The following TLL2 variants were observed in gnomAD, a reference collection of about 807,000 sequenced individuals.
The protein encoded by TLL2 is tolloid-like protein 2.
A neutral mutation model predicts 123.0 loss-of-function variants in TLL2; 106 were observed. That is an observed-to-expected ratio of 0.86 (90% CI 0.74 to 1.01). TLL2 has a LOEUF of 1.01. Ranked by LOEUF, TLL2 falls within the 50% of genes least tolerant of loss-of-function variation. The pLI, the probability that TLL2 is intolerant of heterozygous loss-of-function variation, is 0.00. For synonymous variants in TLL2, 494 were observed against 516.8 expected, an observed-to-expected ratio of 0.96 and a Z score of 0.60; for missense variants, 1,332 against 1,336.7, an observed-to-expected ratio of 1.00 and a Z score of 0.06.
At chr10:96,395,104 C>T in intron 13 of TLL2, 83 bp downstream of exon 13, 1 of 1,399,072 alleles carries the variant, frequency 7.1e-7, no homozygotes, top group Non-Finnish European at 9.7e-7. Flanking sequence ...TGGTAAGCTT[C>T]CATATGGTTT....
In TLL2 at chr10:96,496,736, G is replaced by T. The variant is rs180807964; in HGVS notation, c.176-16277C>A. ...GCTAATTTCCAAAAAAGAAAAATTA[G>T]CCACAAGATTGGTTTGGGCAGGCCG... On this transcript the variant is annotated intron_variant, in intron 1 of 20. Coordinates refer to ENST00000357947, the MANE Select transcript of TLL2 (RefSeq NM_012465.4). Among the ~76,000 whole-genome samples, 12 of 152,296 alleles carry T rather than the reference G, an allele frequency of 7.9e-5. No individual in the cohort carries two copies. The East Asian group carries it at 2.1e-3, about 27-fold the overall frequency.
At chr10:96,451,472 T>G (rs1313925790) in intron 2 of TLL2, among the ~76,000 whole-genome samples, 1 of 152,226 alleles carries the variant, frequency 6.6e-6, no homozygotes, top group Non-Finnish European at 1.5e-5. Context: ...TAGATTAATA[T>G]TGCCCATCTG....
At position 96,388,931 on chromosome 10, in the gene TLL2, G is replaced by A. The variant is rs968183908; in HGVS notation, c.1727-1853C>T. Reference sequence around the variant, plus strand: ...TTAATTGCTTATTAGGGGAGATTGCGTTTAGAGAGACAATCCAGGCAGGGA... The same window carrying A: ...TTAATTGCTTATTAGGGGAGATTGCATTTAGAGAGACAATCCAGGCAGGGA... On this transcript the variant is annotated intron_variant, in intron 13 of 20. Coordinates refer to ENST00000357947, the MANE Select transcript of TLL2 (RefSeq NM_012465.4). Among the ~76,000 whole-genome samples, 8 of 152,214 alleles carry A rather than the reference G, an allele frequency of 5.3e-5. 1 individual carries two copies. The highest frequency in any genetic ancestry group is 4.1e-4 in the South Asian group (2 of 4,834).
chr10:96,382,394 T>C (rs1846194203), intron 16 of TLL2, among the ~76,000 whole-genome samples: 1 of 152,156 alleles, frequency 6.6e-6, no homozygotes, highest in East Asian at 1.9e-4. Flanking sequence ...ACAGGCTCTG[T>C]GCTATTGCAC....
chr10:96,494,798 G>A (rs1215951365), intron 1 of TLL2, among the ~76,000 whole-genome samples: 1 of 152,168 alleles, frequency 6.6e-6, no homozygotes, highest in Admixed American at 6.5e-5. Context: ...TGTTTCTGGA[G>A]GCATGGCCCA....
At position 96,428,697 on chromosome 10, in the gene TLL2, G is replaced by T. The variant is rs540118460; in HGVS notation, c.572C>A (p.Thr191Asn). 4 of 1,614,010 alleles carry T rather than the reference G, an allele frequency of 2.5e-6. No homozygotes were observed. The South Asian group carries it at 4.4e-5, about 18-fold the overall frequency. The change falls in exon 5 of 21, where the codon ACC becomes AAC. Residue 191 changes from threonine (T) to asparagine (N), a missense_variant. Transcript: ENST00000357947. Reference protein sequence around the residue: ...KQAMRHWEKHTCVTFIERTDE... With the variant: ...KQAMRHWEKHNCVTFIERTDE... Reference sequence around the variant, plus strand: ...CGTCCTTTCTATGAAGGTCACACAGGTGTGCTTCTCCCAGTGTCTCATGGC... The same window carrying T: ...CGTCCTTTCTATGAAGGTCACACAGTTGTGCTTCTCCCAGTGTCTCATGGC...
chr10:96,456,369 A>G (rs892289425), intron 2 of TLL2, among the ~76,000 whole-genome samples: 5 of 152,160 alleles, frequency 3.3e-5, no homozygotes, highest in Non-Finnish European at 7.4e-5. Flanking sequence ...TGAAGTTCCC[A>G]GGAGACAGGG....
intron 9 of TLL2, 144 bp downstream of exon 9, chr10:96,410,215 G>A (rs536608650): frequency 2.4e-5 from 15 of 630,084 alleles, no homozygotes; most frequent in South Asian, 1.4e-4. Flanking sequence ...AATAATGAAC[G>A]TACAGCAAAC....
chr10:96,387,400 A>G (rs1205576822), intron 13 of TLL2, among the ~76,000 whole-genome samples: 1 of 152,226 alleles, frequency 6.6e-6, no homozygotes, highest in Non-Finnish European at 1.5e-5. Flanking sequence ...AAAACATTCC[A>G]TACCAAAGAC....
intron 1 of TLL2, among the ~76,000 whole-genome samples, chr10:96,485,055 A>T (rs147017563): frequency 4.5e-4 from 68 of 152,312 alleles, no homozygotes; most frequent in Non-Finnish European, 7.8e-4. Flanking sequence ...GCCACAAGCC[A>T]CCAGAGGCTT....
chr10:96,431,572 G>C (rs899293564), intron 4 of TLL2, among the ~76,000 whole-genome samples: 1 of 152,142 alleles, frequency 6.6e-6, no homozygotes, highest in Non-Finnish European at 1.5e-5. Flanking sequence ...GACATTGGCC[G>C]CAGGTACGCA....
chr10:96,382,015 A>G (rs1234878293), intron 16 of TLL2, among the ~76,000 whole-genome samples: 1 of 152,214 alleles, frequency 6.6e-6, no homozygotes. Context: ...CCTGCTACAC[A>G]GTTTGCAAGG....
At chr10:96,476,513 C>T (rs1321791237) in intron 2 of TLL2, among the ~76,000 whole-genome samples, 3 of 151,394 alleles carry the variant, frequency 2.0e-5, no homozygotes, top group African/African-American at 4.9e-5. Context: ...CCGCCTGCCT[C>T]GGCCTCCCAA....
At chr10:96,442,276 G>A (rs1231769009) in intron 3 of TLL2, among the ~76,000 whole-genome samples, 3 of 152,282 alleles carry the variant, frequency 2.0e-5, no homozygotes, top group South Asian at 2.1e-4. Context: ...GAAACTGGGC[G>A]CTTCCCTCAG....
At chr10:96,385,292 C>T (rs1194352763) in intron 15 of TLL2, among the ~76,000 whole-genome samples, 2 of 152,198 alleles carry the variant, frequency 1.3e-5, no homozygotes, top group African/African-American at 2.4e-5. Context: ...ATGTTCCTTG[C>T]TGTAGCAATG....
intron 13 of TLL2, among the ~76,000 whole-genome samples, chr10:96,392,140 C>A (rs1467566092): frequency 6.6e-6 from 1 of 152,158 alleles, no homozygotes; most frequent in African/African-American, 2.4e-5. Context: ...ATGTTGAATG[C>A]ACGCTAGATG....
chr10:96,428,744 G>C lies in TLL2; in HGVS notation c.525C>G (p.Ser175Arg). 1.2e-6 allele frequency: 2 copies of C among 1,609,622 alleles called. No individual in the cohort carries two copies. The highest frequency in any genetic ancestry group is 1.7e-6 in the Non-Finnish European group (2 of 1,177,050). Residue 175 changes from serine to arginine, a missense_variant, in exon 5 of 21, where the codon AGC becomes AGG. Physicochemically the swap from Ser to Arg is moderately radical, Grantham distance 110 (BLOSUM62 -1). Transcript: ENST00000357947. ...PYVIGGNFTG[S>R]QRAIFKQAMR... is the part of the protein sequence containing the mutation. ...TGGCCTGCTTAAAAATGGCCCTCTG[G>C]CTCCCTGAAACAACAGGGCAAGCAC... is the stretch of plus-strand genomic sequence containing the variant.
intron 18 of TLL2, chr10:96,374,085 A>G (rs1484146954): frequency 9.4e-6 from 4 of 426,716 alleles, no homozygotes; most frequent in Non-Finnish European, 1.7e-5. Context: ...GGGTTCAGAG[A>G]TTAAATGCTT....
At chr10:96,401,503 TACACACACACACAC>T (rs60660163) in intron 10 of TLL2, among the ~76,000 whole-genome samples, 2 of 147,926 alleles carry the variant, frequency 1.4e-5, no homozygotes, top group Non-Finnish European at 3.0e-5. Flanking sequence ...GCTGGCACTC[TACACACACACACAC>T]ACACACACGC....
Sources: gnomAD v4.1 joint callset for allele counts (sites outside exome capture counted in the v4.1 genomes callset) on GRCh38, gnomAD v4.1.1 for gene constraint, MANE v1.5 for transcripts, NCBI Gene and HGNC (gene_info 2026-07-23, HGNC 2026-07-21) for gene names.